The following GOLGA8S variants were observed in gnomAD, a reference collection of about 807,000 sequenced individuals.
The protein encoded by GOLGA8S is golgin A8 family member S.
GOLGA8S carries 23 observed loss-of-function variants against 58.9 expected under a neutral mutation model. The observed-to-expected ratio is 0.39, with a 90% CI of 0.28 to 0.55. GOLGA8S has a LOEUF of 0.55. Among genes scored for constraint, GOLGA8S ranks in the 20% least tolerant of loss-of-function variants. The pLI, the probability that GOLGA8S is intolerant of heterozygous loss-of-function variation, is 0.63. For missense variants in GOLGA8S, 266 were observed against 514.2 expected (o/e 0.52, Z 4.67); for synonymous variants, 84 against 195.7 (o/e 0.43, Z 4.76).
chr15:23,368,095 C>T (rs959375432), downstream of GOLGA8S, among the ~76,000 whole-genome samples: 4 of 151,814 alleles, frequency 2.6e-5, no homozygotes, highest in African/African-American at 7.2e-5. Context: ...AATATGAATA[C>T]TATAGTATAA....
chr15:23,360,033 C>G (rs2069759109), intron 8 of GOLGA8S, among the ~76,000 whole-genome samples, 196 bp from the exon 9 acceptor site: 1 of 149,032 alleles, frequency 6.7e-6, no homozygotes, highest in African/African-American at 2.5e-5. Context: ...CTCTGGGCCT[C>G]TGTTAGCCAG....
At chr15:23,368,097 A>G (rs568748477), downstream of GOLGA8S, among the ~76,000 whole-genome samples, 58 of 152,138 alleles carry the variant, frequency 3.8e-4, 2 homozygotes, top group South Asian at 5.5e-3. Flanking sequence ...TATGAATACT[A>G]TAGTATAAAA....
chr15:23,358,273 G>C (rs2069719646), intron 4 of GOLGA8S, among the ~76,000 whole-genome samples, 199 bp from the exon 5 acceptor site: 1 of 152,296 alleles, frequency 6.6e-6, no homozygotes, highest in Non-Finnish European at 1.5e-5. Flanking sequence ...CTTCAGTTCT[G>C]TGGCTGTGGG....
chr15:23,357,869 C>T (rs2069713382), intron 4 of GOLGA8S, among the ~76,000 whole-genome samples: 1 of 150,130 alleles, frequency 6.7e-6, no homozygotes, highest in African/African-American at 2.5e-5. Context: ...GGGATTGTTG[C>T]CTCTTGGGGA....
rs758530735 is a variant in GOLGA8S at position 23,360,684 on chromosome 15, C to G, written c.787-44C>G. On this transcript the variant is annotated intron_variant, in intron 10 of 18. Transcript: ENST00000562295. ...AGGGAGAGGGCAGCCTGTCCAGCCT[C>G]CAGCCCCTCTCTCCAGGGCCCTTTC... The G allele has an allele frequency of 7.7e-6, 9 of 1,171,190 alleles. 1 individual carries two copies. The highest frequency in any genetic ancestry group is 1.2e-5 in the South Asian group (1 of 80,336). The allele number at this position is 1,171,190 out of a possible 1,614,324, so 72.5% of individuals were successfully genotyped here.
chr15:23,361,175 T>TTTC (rs1567268281), intron 11 of GOLGA8S, 46 bp from the exon 12 acceptor site: 3 of 1,161,812 alleles, frequency 2.6e-6, no homozygotes, highest in Non-Finnish European at 3.7e-6. Context: ...TTTTCTTTTT[T>TTTC]TTTTTTTGGA....
At position 23,365,054 on chromosome 15, in the gene GOLGA8S, C is replaced by T. The variant is rs748272114; in HGVS notation, c.1798C>T (p.His600Tyr). ...TACTGCACAGCCGATCGTGCAGGAC[C>T]ACCAGGAGCACCCAGGCTTGGGCAA... Residue 600 changes from histidine to tyrosine, a missense_variant, in exon 19 of 19, where the codon CAC (histidine) becomes TAC (tyrosine). Physicochemically the swap from His to Tyr is moderately conservative, Grantham distance 83. Transcript: ENST00000562295. 8.9e-6 allele frequency: 14 copies of T among 1,580,390 alleles called. 1 individual carries two copies. Among genetic ancestry groups the T allele is most frequent in the African/African-American group, 2.8e-5 (2 of 70,854 alleles).
chr15:23,357,889 C>T (rs1383556411), intron 4 of GOLGA8S, among the ~76,000 whole-genome samples: 2 of 150,110 alleles, frequency 1.3e-5, no homozygotes, highest in South Asian at 2.2e-4. Flanking sequence ...AAGTGCTAGC[C>T]TGACTGGTTG....
chr15:23,357,105 G>A (rs1441980402), intron 2 of GOLGA8S, among the ~76,000 whole-genome samples, 191 bp from the exon 3 acceptor site: 1 of 144,562 alleles, frequency 6.9e-6, no homozygotes, highest in Non-Finnish European at 1.5e-5. Flanking sequence ...AGGAGTCACT[G>A]AAAGGGCCGC....
downstream of GOLGA8S, chr15:23,365,488 T>C (rs1222230442): frequency 2.6e-6 from 1 of 380,916 alleles, no homozygotes; most frequent in Non-Finnish European, 4.9e-6. Context: ...GCTGCCATGC[T>C]TTTTTAATGT....
In GOLGA8S at chr15:23,363,667, C is replaced by T. The variant is rs1368335952; in HGVS notation, c.1256-11C>T. Reference sequence around the variant, plus strand: ...TCTGAGGACCCCTCTGGCCACCACCCCCACCCCCAGGAGATGGAGGAGGAC... The same window carrying T: ...TCTGAGGACCCCTCTGGCCACCACCTCCACCCCCAGGAGATGGAGGAGGAC... On this transcript the variant is annotated splice_polypyrimidine_tract_variant and intron_variant, in intron 14 of 18. Transcript: ENST00000562295. 5 of 426,500 alleles carry T rather than the reference C, an allele frequency of 1.2e-5. 1 individual carries two copies. Among genetic ancestry groups the T allele is most frequent in the African/African-American group, 7.8e-5 (3 of 38,608 alleles). 26.4% of individuals were successfully genotyped at this position (426,500 alleles called of 1,614,324 possible). A position where few individuals can be genotyped will look rare whatever the true frequency, so the allele number is the denominator to read the frequency against.
At chr15:23,360,950 C>A in intron 11 of GOLGA8S, 135 bp downstream of exon 11, 6 of 712,732 alleles carry the variant, frequency 8.4e-6, no homozygotes, top group Non-Finnish European at 1.5e-5. Flanking sequence ...CAGGAGACGG[C>A]AAGTCTTGTC....
intron 13 of GOLGA8S, among the ~76,000 whole-genome samples, chr15:23,362,766 C>T (rs962594899): frequency 1.4e-5 from 2 of 143,672 alleles, no homozygotes; most frequent in African/African-American, 5.5e-5. Flanking sequence ...AGTGCCCTCG[C>T]TACCCTATTA....
At chr15:23,365,493 T>A, downstream of GOLGA8S, 1 of 377,778 alleles carries the variant, frequency 2.6e-6, no homozygotes, top group East Asian at 5.9e-5. Context: ...CATGCTTTTT[T>A]AATGTTATTG....
At chr15:23,365,492 T>C (rs957158573), downstream of GOLGA8S, 2 of 378,476 alleles carry the variant, frequency 5.3e-6, no homozygotes, top group African/African-American at 4.2e-5. Flanking sequence ...CCATGCTTTT[T>C]TAATGTTATT....
downstream of GOLGA8S, among the ~76,000 whole-genome samples, chr15:23,367,641 G>A (rs1272424581): frequency 6.6e-6 from 1 of 151,824 alleles, no homozygotes; most frequent in Admixed American, 6.6e-5. Flanking sequence ...AATAACTTAA[G>A]TCTTTCTCCA....
chr15:23,362,859 C>A (rs1261682594), intron 13 of GOLGA8S, among the ~76,000 whole-genome samples: 2 of 138,698 alleles, frequency 1.4e-5, no homozygotes, highest in Non-Finnish European at 3.1e-5. Flanking sequence ...AGCCAAGAGG[C>A]TCAGAGTCTG....
At chr15:23,361,193 G>A (rs752441826) in intron 11 of GOLGA8S, 28 bp from the exon 12 acceptor site, 45 of 1,094,746 alleles carry the variant, frequency 4.1e-5, no homozygotes, top group Middle Eastern at 6.0e-4. Context: ...GGAATCCAGA[G>A]GCTCTTATTG....
At position 23,365,040 on chromosome 15, in the gene GOLGA8S, C is replaced by T. The variant is rs764908513; in HGVS notation, c.1784C>T (p.Pro595Leu). The T allele has an allele frequency of 9.5e-6, 15 of 1,580,330 alleles. 1 individual carries two copies. Among genetic ancestry groups the T allele is most frequent in the Middle Eastern group, 2.3e-4 (1 of 4,422 alleles). Reference sequence around the variant, plus strand: ...CTCCTTGACAAGCCTACTGCACAGCCGATCGTGCAGGACCACCAGGAGCAC... The same window carrying T: ...CTCCTTGACAAGCCTACTGCACAGCTGATCGTGCAGGACCACCAGGAGCAC... The change falls in exon 19 of 19, where the codon CCG becomes CTG. Residue 595 changes from proline to leucine, a missense_variant. Physicochemically the swap from Pro to Leu is moderately conservative, Grantham distance 98 (BLOSUM62 -3). This residue lies in a region of GOLGA8S where 36 missense variants were observed against 39.6 expected (regional missense o/e 0.91). Transcript: ENST00000562295.
Sources: allele counts gnomAD v4.1 joint callset (sites outside exome capture counted in the v4.1 genomes callset), GRCh38; gene constraint gnomAD v4.1.1; regional missense constraint gnomAD v4.1.1; transcripts MANE v1.5; gene names NCBI Gene and HGNC (gene_info 2026-07-23, HGNC 2026-07-21).